MDC1: variants seen among roughly 807,000 people sequenced by gnomAD.
The protein encoded by MDC1 is mediator of DNA damage checkpoint protein 1.
MDC1 carries 81 observed loss-of-function variants against 142.5 expected under a neutral mutation model. The ratio of observed to expected loss-of-function variants is 0.57; its 90% CI spans 0.47 to 0.68. MDC1 has a LOEUF of 0.68. MDC1 is among the 30% of genes least tolerant of loss of function. The probability of loss-of-function intolerance (pLI) is 0.00; values close to 1 mark genes in which losing one functional copy is unlikely to be tolerated. For missense variants in MDC1, 2,119 were observed against 2,547.9 expected (o/e 0.83, Z 3.62); for synonymous variants, 797 against 968.4 (o/e 0.82, Z 3.29).
chr6:30,708,053 T>C lies in MDC1; in HGVS notation c.2526A>G (p.Arg842=), dbSNP rs61744913. Residue 842 remains arginine (R), a synonymous_variant, in exon 8 of 15, where the codon AGA becomes AGG. Transcript: ENST00000376406. ...CTTCCTCTCCTGTCACATCTGTCTGTCTTTCTGGTAGCAGTTTCTCAGTTT... is the reference window on the plus strand; with the variant it reads ...CTTCCTCTCCTGTCACATCTGTCTGCCTTTCTGGTAGCAGTTTCTCAGTTT... ...ERETEKLLPE[R]QTDVTGEEEL... 31 of 1,613,098 alleles carry C rather than the reference T, an allele frequency of 1.9e-5. No individual in the cohort carries two copies. Among genetic ancestry groups the C allele is most frequent in the Non-Finnish European group, 2.5e-5 (29 of 1,180,040 alleles).
At chr6:30,714,262 T>C in intron 2 of MDC1, 79 bp from the exon 3 acceptor site, 1 of 1,427,828 alleles carries the variant, frequency 7.0e-7, no homozygotes, top group South Asian at 1.4e-5. Flanking sequence ...TTAGGTACTC[T>C]ACTACTCACT....
rs1031249953 is a variant in MDC1 at position 30,712,018 on chromosome 6, T to G, written c.1924A>C (p.Arg642=). ...AQVEQDLPIS[R]ENLTDLVVDT... ...ACCACCAGATCTGTGAGGTTCTCTC[T>G]TGAGATAGGGAGGTCCTGCTCCACT... The change falls in exon 5 of 15, where the codon AGA becomes CGA. Residue 642 remains arginine, a synonymous_variant. Coordinates refer to ENST00000376406, the MANE Select transcript of MDC1 (RefSeq NM_014641.3). The surrounding 1 kb of genome is among the most constrained non-coding windows in gnomAD (Gnocchi z 4.7). 1 of 1,599,654 alleles carries G rather than the reference T, an allele frequency of 6.3e-7. No homozygotes were observed. The highest frequency in any genetic ancestry group is 1.1e-5 in the South Asian group (1 of 89,110).
Position 30,716,084 on chromosome 6 carries a change from G to A in MDC1, c.-3-906C>T, listed in dbSNP as rs1357029628. Among the ~76,000 whole-genome samples the A allele has an allele frequency of 6.6e-6, 1 of 152,144 alleles. No homozygotes were observed. The highest frequency in any genetic ancestry group is 2.4e-5 in the African/African-American group (1 of 41,434). On this transcript the variant is annotated intron_variant, in intron 1 of 14. Transcript: ENST00000376406. The surrounding 1 kb of genome is among the most constrained non-coding windows in gnomAD (Gnocchi z 4.4). Reference sequence around the variant, plus strand: ...CCCGCAAAAGCCTATGGTTCAGCCAGACATTTTCCCCAGTCTTCGAACACA... The same window carrying A: ...CCCGCAAAAGCCTATGGTTCAGCCAAACATTTTCCCCAGTCTTCGAACACA...
intron 9 of MDC1, among the ~76,000 whole-genome samples, chr6:30,706,403 C>T (rs1215786370): frequency 6.6e-6 from 1 of 151,924 alleles, no homozygotes; most frequent in Non-Finnish European, 1.5e-5. Context: ...GGGTGGATCA[C>T]AAGGTCAGGA....
rs952453479 is a variant in MDC1, at chr6:30,714,961, G to A, written c.136+79C>T. The A allele has an allele frequency of 3.3e-6, 5 of 1,520,442 alleles. No individual in the cohort carries two copies. In the African/African-American group the frequency reaches 4.2e-5, roughly 13 times the overall value. The allele number at this position is 1,520,442 out of a possible 1,614,324, so 94.2% of individuals were successfully genotyped here. ...TCACATCTCATTGAAACATACATAA[G>A]CTTCTTGCAACCCTCCAAATACCTT... On this transcript the variant is annotated intron_variant, in intron 2 of 14. Coordinates refer to ENST00000376406, the MANE Select transcript of MDC1 (RefSeq NM_014641.3).
chr6:30,700,956 C>G (rs1399249814), intron 14 of MDC1, among the ~76,000 whole-genome samples: 1 of 151,116 alleles, frequency 6.6e-6, no homozygotes, highest in African/African-American at 2.4e-5. Flanking sequence ...GCCTGTCGTC[C>G]CAGCTACTCG....
In MDC1 at chr6:30,703,142, G is replaced by A. The variant is rs769808635; in HGVS notation, c.5827C>T (p.Arg1943Trp). The change falls in exon 12 of 15, where the codon CGG becomes TGG. Residue 1943 changes from arginine (R) to tryptophan (W), a missense_variant. Physicochemically the swap from Arg to Trp is moderately radical, Grantham distance 101. Transcript: ENST00000376406. This position sits in a 1 kb window ranked among gnomAD's most constrained non-coding sequence, Gnocchi z 4.4. ...TCCAGGGACAGAATGGGGATTCCCCGCCCCAGGGCACACAGGAACTTGACT... is the reference window on the plus strand; with the variant it reads ...TCCAGGGACAGAATGGGGATTCCCCACCCCAGGGCACACAGGAACTTGACT... The part of the protein sequence containing the change: ...RTVKFLCALG[R>W]GIPILSLDWL... 1.9e-6 allele frequency: 3 copies of A among 1,612,952 alleles called. No homozygotes were observed. Among genetic ancestry groups the A allele is most frequent in the South Asian group, 1.1e-5 (1 of 91,084 alleles).
chr6:30,706,125 G>A, intron 9 of MDC1, 27 bp from the exon 10 acceptor site: 1 of 1,511,476 alleles, frequency 6.6e-7, no homozygotes, highest in Middle Eastern at 1.8e-4. Context: ...GCAAGTGAGG[G>A]GGAGGAGGTG....
Position 30,716,228 on chromosome 6 carries a change from T to C in MDC1, c.-4+1017A>G, listed in dbSNP as rs1027921130. ...TTCAGTTCAAATGTCACTTTCTTTC[T>C]TTTTTTTTTTTTTGAGATGGAATCT... is the stretch of plus-strand genomic sequence containing the variant. On this transcript the variant is annotated intron_variant, in intron 1 of 14. Transcript: ENST00000376406. This position sits in a 1 kb window ranked among gnomAD's most constrained non-coding sequence, Gnocchi z 4.4. 4.9e-5 allele frequency among the ~76,000 whole-genome samples: 6 copies of C among 121,716 alleles called. No individual in the cohort carries two copies. Among genetic ancestry groups the C allele is most frequent in the Non-Finnish European group, 8.5e-5 (5 of 59,120 alleles). 79.9% of individuals were successfully genotyped at this position (121,716 alleles called of 152,430 possible). A position where few individuals can be genotyped will look rare whatever the true frequency, so the allele number is the denominator to read the frequency against.
In MDC1 at chr6:30,703,478, G is replaced by C. The variant is rs750608768; in HGVS notation, c.5622C>G (p.Asn1874Lys). 6.2e-7 allele frequency: 1 copy of C among 1,613,906 alleles called. No individual in the cohort carries two copies. The highest frequency in any genetic ancestry group is 8.5e-7 in the Non-Finnish European group (1 of 1,180,028). ...GTCGGAGGCTGCGGCTTGGTATTCT[G>C]TTGGGCTCCTCCTCTGCCTGGTCTC... ...RKRDQAEEEPNRIPSRSLRRT... is the reference protein window; with the variant it reads ...RKRDQAEEEPKRIPSRSLRRT... Residue 1874 changes from asparagine (N) to lysine (K), a missense_variant, in exon 11 of 15, where the codon AAC becomes AAG. Coordinates refer to ENST00000376406, the MANE Select transcript of MDC1 (RefSeq NM_014641.3). The surrounding 1 kb of genome is among the most constrained non-coding windows in gnomAD (Gnocchi z 4.4).
chr6:30,710,264 T>G (rs1204240920), intron 7 of MDC1, among the ~76,000 whole-genome samples: 2 of 152,068 alleles, frequency 1.3e-5, no homozygotes, highest in African/African-American at 4.8e-5. Flanking sequence ...AATTTTTGTA[T>G]TTTTAGTAGA....
rs770689651 is a variant in MDC1 at position 30,708,341 on chromosome 6, T to C, written c.2238A>G (p.Pro746=). 2.5e-6 allele frequency: 4 copies of C among 1,610,250 alleles called. No homozygotes were observed. The highest frequency in any genetic ancestry group is 1.1e-5 in the South Asian group (1 of 91,060). The change falls in exon 8 of 15, where the codon CCA becomes CCG. Residue 746 remains proline (P), a synonymous_variant. Coordinates refer to ENST00000376406, the MANE Select transcript of MDC1 (RefSeq NM_014641.3). ...ATGGCTGTGTAGCCAGGACCTCCCA[T>C]GGTTCATCTAGGGTACCTGGAAGGG... The part of the protein sequence containing the change: ...SFQTTGTLDE[P]WEVLATQPFC...
rs1774960741 is a variant in MDC1, at chr6:30,711,854, G to C, written c.2068+20C>G. ...ACCCTGGTTGATTTCAGAGGTCTAGGAAGGAAGGCCAGCACTTACCACCAT... is the reference window on the plus strand; with the variant it reads ...ACCCTGGTTGATTTCAGAGGTCTAGCAAGGAAGGCCAGCACTTACCACCAT... On this transcript the variant is annotated intron_variant, in intron 5 of 14. Coordinates refer to ENST00000376406, the MANE Select transcript of MDC1 (RefSeq NM_014641.3). 11 of 1,537,554 alleles carry C rather than the reference G, an allele frequency of 7.2e-6. No individual in the cohort carries two copies. The highest frequency in any genetic ancestry group is 9.6e-6 in the Non-Finnish European group (11 of 1,142,384).
Position 30,702,542 on chromosome 6 carries a change from C to G in MDC1, c.6102+11G>C. The G allele has an allele frequency of 3.9e-6, 6 of 1,543,360 alleles. No individual in the cohort carries two copies. Among genetic ancestry groups the G allele is most frequent in the Non-Finnish European group, 5.2e-6 (6 of 1,147,742 alleles). ...GCCACCTCACCCAGACCCAGAACAT[C>G]CTAAGCATACCTTATAGGACCGAGG... On this transcript the variant is annotated intron_variant, in intron 14 of 14. Coordinates refer to ENST00000376406, the MANE Select transcript of MDC1 (RefSeq NM_014641.3).
Position 30,703,905 on chromosome 6 carries a change from C to T in MDC1, c.5278G>A (p.Ala1760Thr). ...SQASRNQRWG[A>T]VRAAESLTAI... ...GTAAGGGATTCAGCTGCTCTCACTGCTCCCCATCTTTGGTTCCTTGAGGCC... is the reference window on the plus strand; with the variant it reads ...GTAAGGGATTCAGCTGCTCTCACTGTTCCCCATCTTTGGTTCCTTGAGGCC... The change falls in exon 10 of 15, where the codon GCA becomes ACA. Residue 1760 changes from alanine to threonine, a missense_variant. Coordinates refer to ENST00000376406, the MANE Select transcript of MDC1 (RefSeq NM_014641.3). This position sits in a 1 kb window ranked among gnomAD's most constrained non-coding sequence, Gnocchi z 4.4. The T allele has an allele frequency of 6.2e-7, 1 of 1,614,178 alleles. No homozygotes were observed. Among genetic ancestry groups the T allele is most frequent in the Non-Finnish European group, 8.5e-7 (1 of 1,180,032 alleles).
In MDC1 at chr6:30,702,788, G is replaced by A. The variant is rs149494987; in HGVS notation, c.5955C>T (p.Asp1985=). ...QEKNFGFSLQ[D]ALSRARERRL... ...TTCGCTCCCGAGCCCTGCTCAGTGC[G>A]TCTTGAAGGCTAAAGCCAAAGTTCT... The change falls in exon 13 of 15, where the codon GAC becomes GAT. Residue 1985 remains aspartate, a synonymous_variant. Coordinates refer to ENST00000376406, the MANE Select transcript of MDC1 (RefSeq NM_014641.3). 3.8e-5 allele frequency: 61 copies of A among 1,613,138 alleles called. No homozygotes were observed. Among genetic ancestry groups the A allele is most frequent in the Non-Finnish European group, 4.4e-5 (52 of 1,180,040 alleles).
In MDC1 at chr6:30,711,524, C is replaced by T; in HGVS notation, c.2129-20G>A. ...GGACTGCTGTACAGGAAAAGATGGC[C>T]TAAGTTCATCTCCTCCATACTACTG... On this transcript the variant is annotated intron_variant, in intron 6 of 14. Transcript: ENST00000376406. 6.2e-7 allele frequency: 1 copy of T among 1,610,388 alleles called. No individual in the cohort carries two copies. Among genetic ancestry groups the T allele is most frequent in the Non-Finnish European group, 8.5e-7 (1 of 1,177,660 alleles).
At position 30,703,396 on chromosome 6, in the gene MDC1, G is replaced by A. The variant is rs748073723; in HGVS notation, c.5682+22C>T. 9.3e-6 allele frequency: 15 copies of A among 1,613,398 alleles called. No homozygotes were observed. In the African/African-American group the frequency reaches 1.9e-4, roughly 20 times the overall value. On this transcript the variant is annotated intron_variant, in intron 11 of 14. Transcript: ENST00000376406. This position sits in a 1 kb window ranked among gnomAD's most constrained non-coding sequence, Gnocchi z 4.4. ...TCCCCTCATCTCTGTCTCCCACAAA[G>A]TCCCATGCCTTTGTCTCTTACTTTG...
At chr6:30,702,502 T>C in intron 14 of MDC1, 51 bp downstream of exon 14, 1 of 1,411,286 alleles carries the variant, frequency 7.1e-7, no homozygotes, top group South Asian at 1.5e-5. Context: ...TCCAGCCACC[T>C]CTTTAACTGC....
Sources: gnomAD v4.1 joint callset for allele counts (sites outside exome capture counted in the v4.1 genomes callset) on GRCh38, gnomAD v4.1.1 for gene constraint, Gnocchi (gnomAD v3.1) non-coding constraint, MANE v1.5 for transcripts, NCBI Gene and HGNC (gene_info 2026-07-23, HGNC 2026-07-21) for gene names.